The following GKAP1 variants were observed in gnomAD, a reference collection of about 807,000 sequenced individuals.
The protein encoded by GKAP1 is G kinase anchoring protein 1, also known as G kinase-anchoring protein 1.
In GKAP1, 31 loss-of-function variants were observed where a neutral mutation model predicts 56.7. The ratio of observed to expected loss-of-function variants is 0.55; its 90% confidence interval spans 0.41 to 0.74. The LOEUF (loss-of-function observed/expected upper bound fraction) is 0.74, where lower values mean the gene tolerates loss of function less well. Among genes scored for constraint, GKAP1 ranks in the 30% least tolerant of loss-of-function variants. GKAP1 has a pLI of 0.00. For synonymous variants in GKAP1, 151 were observed against 138.6 expected (o/e 1.09, Z -0.63); for missense variants, 364 against 402.3 (o/e 0.90, Z 0.82).
chr9:83,777,555 A>G (rs1420539941), intron 7 of GKAP1, among the ~76,000 whole-genome samples: 1 of 152,178 alleles, frequency 6.6e-6, no homozygotes, highest in Non-Finnish European at 1.5e-5. Context: ...AGCTAGCACC[A>G]AGAATATATA....
intron 10 of GKAP1, among the ~76,000 whole-genome samples, chr9:83,744,720 T>C (rs1413936635): frequency 1.3e-5 from 2 of 152,202 alleles, no homozygotes; most frequent in Admixed American, 6.5e-5. Flanking sequence ...ATTAGTTCAT[T>C]CTCACACTAC....
At chr9:83,788,768 G>T (rs998808683) in intron 4 of GKAP1, 90 bp from the exon 5 acceptor site, 3 of 687,712 alleles carry the variant, frequency 4.4e-6, no homozygotes, top group Non-Finnish European at 7.2e-6. Flanking sequence ...CAGAGGAAAA[G>T]AAAGCAAATA....
At chr9:83,804,463 A>G (rs1171565650) in intron 3 of GKAP1, among the ~76,000 whole-genome samples, 125 of 77,562 alleles carry the variant, frequency 1.6e-3, no homozygotes, top group South Asian at 2.0e-3. Context: ...CTGCCCGGCC[A>G]CCCCTACTGG....
intron 2 of GKAP1, among the ~76,000 whole-genome samples, chr9:83,809,430 C>T (rs12553541): frequency 2.0e-5 from 3 of 152,178 alleles, no homozygotes; most frequent in Non-Finnish European, 4.4e-5. Context: ...GGGAAGTGCT[C>T]CAAGTCCTAG....
chr9:83,758,177 C>T (rs1943508126), intron 8 of GKAP1, among the ~76,000 whole-genome samples: 1 of 152,084 alleles, frequency 6.6e-6, no homozygotes, highest in Non-Finnish European at 1.5e-5. Context: ...AGGCTTATAT[C>T]CTTTGATTCA....
intron 6 of GKAP1, 33 bp downstream of exon 6, chr9:83,784,682 T>A: frequency 5.5e-6 from 8 of 1,458,026 alleles, no homozygotes; most frequent in Non-Finnish European, 7.4e-6. Flanking sequence ...GTAGAATAGT[T>A]CTTTTAGCAT....
Position 83,799,220 on chromosome 9 carries a change from C to A in GKAP1, c.325G>T (p.Glu109Ter). The A allele has an allele frequency of 6.2e-7, 1 of 1,613,474 alleles. No homozygotes were observed. The highest frequency in any genetic ancestry group is 8.5e-7 in the Non-Finnish European group (1 of 1,179,728). The change falls in exon 4 of 13, where the codon GAA becomes TAA. Residue 109 changes from glutamate to a stop codon, truncating the protein, a stop_gained. Coordinates refer to ENST00000376371, the MANE Select transcript of GKAP1 (RefSeq NM_025211.4). LOFTEE classifies it high-confidence loss of function. Reference sequence around the variant, plus strand: ...CTTTGTCTCCACTCTTGCCAATTTTCTTCTCGTGAATCCTTCTGTACTGGG... The same window carrying A: ...CTTTGTCTCCACTCTTGCCAATTTTATTCTCGTGAATCCTTCTGTACTGGG... ...SNPVQKDSRE[E>*]NWQEWRQRDE...
intron 7 of GKAP1, among the ~76,000 whole-genome samples, chr9:83,775,900 G>A (rs1430705723): frequency 1.1e-4 from 13 of 118,854 alleles, no homozygotes; most frequent in East Asian, 9.5e-4. Context: ...AAAAAAAAAA[G>A]AGAGAGAAAA....
At chr9:83,784,289 A>T (rs1278153681) in intron 6 of GKAP1, among the ~76,000 whole-genome samples, 2 of 152,004 alleles carry the variant, frequency 1.3e-5, no homozygotes, top group Non-Finnish European at 2.9e-5. Flanking sequence ...AAAAAAGAAG[A>T]ATTTAATTGC....
chr9:83,797,128 T>G (rs1012886627), intron 4 of GKAP1, among the ~76,000 whole-genome samples: 1 of 152,212 alleles, frequency 6.6e-6, no homozygotes, highest in Non-Finnish European at 1.5e-5. Flanking sequence ...GGTGTTTAAT[T>G]CTAGCTCTCA....
intron 4 of GKAP1, among the ~76,000 whole-genome samples, chr9:83,795,016 C>T (rs552071033): frequency 6.6e-5 from 10 of 151,988 alleles, no homozygotes; most frequent in Admixed American, 3.3e-4. Flanking sequence ...ACTAGCCGGG[C>T]GTGGTGGCAC....
intron 7 of GKAP1, among the ~76,000 whole-genome samples, chr9:83,772,553 C>A (rs1174215868): frequency 6.6e-6 from 1 of 152,056 alleles, no homozygotes; most frequent in Non-Finnish European, 1.5e-5. Context: ...GACTTGATAA[C>A]AATTTAAAAC....
At chr9:83,756,626 AG>A (rs1190864265) in intron 8 of GKAP1, among the ~76,000 whole-genome samples, 1 of 152,152 alleles carries the variant, frequency 6.6e-6, no homozygotes, top group Non-Finnish European at 1.5e-5. Context: ...CCAAATTATC[AG>A]TACTGTAGTA....
chr9:83,781,378 T>C (rs1215206199), intron 6 of GKAP1, among the ~76,000 whole-genome samples: 1 of 152,054 alleles, frequency 6.6e-6, no homozygotes, highest in Non-Finnish European at 1.5e-5. Flanking sequence ...AAAGTACAAA[T>C]AGTGGGCAAG....
chr9:83,785,270 C>T (rs958344489), intron 5 of GKAP1, among the ~76,000 whole-genome samples: 4 of 152,046 alleles, frequency 2.6e-5, no homozygotes, highest in South Asian at 4.2e-4. Flanking sequence ...CTGACTACTG[C>T]TAAGTTTCCT....
chr9:83,790,807 G>A (rs759948673), intron 4 of GKAP1, among the ~76,000 whole-genome samples: 11 of 151,796 alleles, frequency 7.2e-5, no homozygotes, highest in Non-Finnish European at 1.5e-4. Flanking sequence ...GTGGGACTCC[G>A]TCTCAAAAAA....
intron 4 of GKAP1, among the ~76,000 whole-genome samples, chr9:83,792,541 A>C (rs1298439379): frequency 2.0e-5 from 3 of 152,202 alleles, no homozygotes; most frequent in Non-Finnish European, 4.4e-5. Context: ...GAACACTGAC[A>C]ATATGAAGTG....
At chr9:83,799,576 C>CT (rs1408215956) in intron 3 of GKAP1, among the ~76,000 whole-genome samples, 3 of 152,100 alleles carry the variant, frequency 2.0e-5, no homozygotes, top group African/African-American at 7.2e-5. Context: ...GTATTATACT[C>CT]TATTATACCA....
chr9:83,806,598 AAC>A, intron 2 of GKAP1, 38 bp from the exon 3 acceptor site: 1 of 1,126,572 alleles, frequency 8.9e-7, no homozygotes, highest in Non-Finnish European at 1.3e-6. Flanking sequence ...TGGGTAAACA[AAC>A]AGAGTAAAAT....
Sources: gnomAD v4.1 joint callset for allele counts (sites outside exome capture counted in the v4.1 genomes callset) on GRCh38, gnomAD v4.1.1 for gene constraint, MANE v1.5 for transcripts, NCBI Gene and HGNC (gene_info 2026-07-23, HGNC 2026-07-21) for gene names.